Variants in DERA observed in about 807,000 individuals in gnomAD.
DERA encodes 2-deoxy-D-ribose 5-phosphate aldolase.
A neutral mutation model predicts 41.1 loss-of-function variants in DERA; 15 were observed. The ratio of observed to expected loss-of-function variants is 0.37; its 90% CI spans 0.24 to 0.56. The LOEUF (loss-of-function observed/expected upper bound fraction) is 0.56, where lower values mean the gene tolerates loss of function less well. Ranked by LOEUF, DERA falls within the 20% of genes least tolerant of loss-of-function variation. DERA has a pLI of 0.81. For synonymous variants in DERA, 139 were observed against 137.4 expected, an observed-to-expected ratio of 1.01 and a Z score of -0.08; for missense variants, 396 against 403.4, an observed-to-expected ratio of 0.98 and a Z score of 0.16.
chr12:15,996,289 C>T lies in DERA; in HGVS notation c.637+13853C>T, dbSNP rs1055975182. Reference sequence around the variant, plus strand: ...TATTAGTTTCTTGGGCTCGCTGTAACAGAGTACCGCAAATTAGATGGCCTT... The same window carrying T: ...TATTAGTTTCTTGGGCTCGCTGTAATAGAGTACCGCAAATTAGATGGCCTT... On this transcript the variant is annotated intron_variant, in intron 6 of 8. Coordinates refer to ENST00000428559, the MANE Select transcript of DERA (RefSeq NM_015954.4). This position sits in a 1 kb window ranked among gnomAD's most constrained non-coding sequence, Gnocchi z 4.7. 5.9e-5 allele frequency among the ~76,000 whole-genome samples: 9 copies of T among 151,912 alleles called. No homozygotes were observed. The South Asian group carries it at 6.2e-4, about 11-fold the overall frequency.
chr12:15,934,841 T>C (rs970651328), intron 1 of DERA, among the ~76,000 whole-genome samples: 1 of 152,220 alleles, frequency 6.6e-6, no homozygotes, highest in African/African-American at 2.4e-5. Context: ...CTGGTAGAAG[T>C]ACTTAATTTC....
intron 1 of DERA, among the ~76,000 whole-genome samples, chr12:15,920,941 A>G (rs951961460): frequency 2.6e-5 from 4 of 152,246 alleles, no homozygotes; most frequent in Admixed American, 1.3e-4. Context: ...ATGAATGAAT[A>G]CTGCAGGGGC....
At chr12:15,929,106 C>T (rs1948309001) in intron 1 of DERA, among the ~76,000 whole-genome samples, 1 of 152,188 alleles carries the variant, frequency 6.6e-6, no homozygotes, top group African/African-American at 2.4e-5. Context: ...CTGTGGAGCC[C>T]CACTAGGGAG....
rs574810630 is a variant in DERA at position 16,021,923 on chromosome 12, T to C, written c.638-10619T>C. ...GAAGGAACTCATCTCCAGATAAGACTTTGGACTTTAGACTTTGGCATTTTT... is the reference window on the plus strand; with the variant it reads ...GAAGGAACTCATCTCCAGATAAGACCTTGGACTTTAGACTTTGGCATTTTT... On this transcript the variant is annotated intron_variant, in intron 6 of 8. Transcript: ENST00000428559. The surrounding 1 kb of genome is among the most constrained non-coding windows in gnomAD (Gnocchi z 5.3). Among the ~76,000 whole-genome samples the C allele has an allele frequency of 6.6e-6, 1 of 152,320 alleles. No individual in the cohort carries two copies. The highest frequency in any genetic ancestry group is 2.1e-4 in the South Asian group (1 of 4,824).
intron 1 of DERA, among the ~76,000 whole-genome samples, chr12:15,919,126 G>A (rs923779315): frequency 6.6e-6 from 1 of 152,146 alleles, no homozygotes; most frequent in Non-Finnish European, 1.5e-5. Flanking sequence ...TTGCTTGTAA[G>A]CATAAATGAT....
In DERA at chr12:15,968,933, G is replaced by A. The variant is rs1948641991; in HGVS notation, c.508+5986G>A. The stretch of plus-strand genomic sequence containing the variant: ...TTATGATTTTGATAATTTATACCTA[G>A]ACCTTGGGTAAACACTTCACTTCTC... On this transcript the variant is annotated intron_variant, in intron 5 of 8. Coordinates refer to ENST00000428559, the MANE Select transcript of DERA (RefSeq NM_015954.4). Among the ~76,000 whole-genome samples, 3 of 152,144 alleles carry A rather than the reference G, an allele frequency of 2.0e-5. No individual in the cohort carries two copies. The South Asian group carries it at 6.2e-4, about 31-fold the overall frequency.
intron 5 of DERA, among the ~76,000 whole-genome samples, chr12:15,979,985 A>G (rs1948722408): frequency 6.6e-6 from 1 of 152,236 alleles, no homozygotes; most frequent in Non-Finnish European, 1.5e-5. Context: ...GTAATAAAAT[A>G]CTTTCCAGCC....
intron 6 of DERA, among the ~76,000 whole-genome samples, chr12:16,031,752 TACTTA>T (rs1337399536): frequency 6.6e-6 from 1 of 152,228 alleles, no homozygotes; most frequent in Non-Finnish European, 1.5e-5. Flanking sequence ...TCAGGTAACT[TACTTA>T]ACTTTTCTGT....
chr12:15,996,991 T>C lies in DERA; in HGVS notation c.637+14555T>C, dbSNP rs1218462507. 2.6e-5 allele frequency among the ~76,000 whole-genome samples: 4 copies of C among 152,182 alleles called. No individual in the cohort carries two copies. The highest frequency in any genetic ancestry group is 5.9e-5 in the Non-Finnish European group (4 of 68,022). On this transcript the variant is annotated intron_variant, in intron 6 of 8. Coordinates refer to ENST00000428559, the MANE Select transcript of DERA (RefSeq NM_015954.4). The surrounding 1 kb of genome is among the most constrained non-coding windows in gnomAD (Gnocchi z 4.7). The stretch of plus-strand genomic sequence containing the variant: ...AATTTGCTTATGAGCAAGAGACAGA[T>C]ACTAACAGTAGAAGGAAATACTTTT...
At position 16,019,655 on chromosome 12, in the gene DERA, G is replaced by T. The variant is rs1949005723; in HGVS notation, c.638-12887G>T. Among the ~76,000 whole-genome samples the T allele has an allele frequency of 6.6e-6, 1 of 152,084 alleles. No homozygotes were observed. The highest frequency in any genetic ancestry group is 1.5e-5 in the Non-Finnish European group (1 of 68,022). ...TTTTTATGGTGGTGTTCTTCCATGT[G>T]TGCCCTCTCATCTTTAAATTTTGTC... On this transcript the variant is annotated intron_variant, in intron 6 of 8. Transcript: ENST00000428559. This position sits in a 1 kb window ranked among gnomAD's most constrained non-coding sequence, Gnocchi z 4.4.
At position 16,008,556 on chromosome 12, in the gene DERA, G is replaced by A. The variant is rs1319200477; in HGVS notation, c.638-23986G>A. On this transcript the variant is annotated intron_variant, in intron 6 of 8. Transcript: ENST00000428559. The surrounding 1 kb of genome is among the most constrained non-coding windows in gnomAD (Gnocchi z 4.8). ...ATGTAGGATATATTTGGATGTCCAG[G>A]TCAGCAGAGTGAAAGTAAACAGTCC... Among the ~76,000 whole-genome samples the A allele has an allele frequency of 6.6e-6, 1 of 152,222 alleles. No individual in the cohort carries two copies. The highest frequency in any genetic ancestry group is 1.5e-5 in the Non-Finnish European group (1 of 68,034).
intron 1 of DERA, among the ~76,000 whole-genome samples, chr12:15,953,454 A>G (rs1948513915): frequency 1.3e-5 from 2 of 152,156 alleles, no homozygotes. Flanking sequence ...TGAACCAGAA[A>G]TAATAATAAT....
At chr12:15,980,083 T>G (rs1000711606) in intron 5 of DERA, among the ~76,000 whole-genome samples, 6 of 152,240 alleles carry the variant, frequency 3.9e-5, no homozygotes, top group Non-Finnish European at 5.9e-5. Flanking sequence ...AGATTTGACT[T>G]TTATAACACA....
At position 15,921,926 on chromosome 12, in the gene DERA, GATAATAATA is replaced by G. The variant is rs68021628; in HGVS notation, c.31+10523_31+10531del. On this transcript the variant is annotated intron_variant, in intron 1 of 8. Transcript: ENST00000428559. The surrounding 1 kb of genome is among the most constrained non-coding windows in gnomAD (Gnocchi z 5.3). ...GGGTGACGAGCAAAACTCCATCTCA[GATAATAATA>G]ATAATAATAAATAATTTTCCAAGGA... Among the ~76,000 whole-genome samples, 1 of 151,034 alleles carries G rather than the reference GATAATAATA, an allele frequency of 6.6e-6. No homozygotes were observed.
At chr12:15,920,852 C>A (rs993875972) in intron 1 of DERA, among the ~76,000 whole-genome samples, 1 of 152,162 alleles carries the variant, frequency 6.6e-6, no homozygotes. Flanking sequence ...AAATACCCCC[C>A]CCAAAAATAC....
chr12:15,960,636 CAAAAA>C (rs1163104277), intron 4 of DERA, among the ~76,000 whole-genome samples: 15 of 28,716 alleles, frequency 5.2e-4, no homozygotes, highest in South Asian at 2.0e-3. Flanking sequence ...GACTCCGTCT[CAAAAA>C]AAAAAAAAAA....
chr12:15,961,170 A>G (rs935243815), intron 4 of DERA, among the ~76,000 whole-genome samples: 1 of 152,246 alleles, frequency 6.6e-6, no homozygotes, highest in Non-Finnish European at 1.5e-5. Context: ...AGGACCTGAT[A>G]AAAGCCACAC....
Position 15,921,663 on chromosome 12 carries a change from T to C in DERA, c.31+10249T>C, listed in dbSNP as rs1053331452. On this transcript the variant is annotated intron_variant, in intron 1 of 8. Transcript: ENST00000428559. This position sits in a 1 kb window ranked among gnomAD's most constrained non-coding sequence, Gnocchi z 5.3. ...GAGGCCAGGCATGGTGGCTCATGCC[T>C]GTAATCCCAGCATTTTGGGAATCTG... 1.3e-5 allele frequency among the ~76,000 whole-genome samples: 2 copies of C among 152,170 alleles called. No individual in the cohort carries two copies. The highest frequency in any genetic ancestry group is 4.8e-5 in the African/African-American group (2 of 41,444).
chr12:15,921,789 G>T lies in DERA; in HGVS notation c.31+10375G>T, dbSNP rs1484633396. Among the ~76,000 whole-genome samples, 1 of 152,022 alleles carries T rather than the reference G, an allele frequency of 6.6e-6. No individual in the cohort carries two copies. The highest frequency in any genetic ancestry group is 2.4e-5 in the African/African-American group (1 of 41,392). On this transcript the variant is annotated intron_variant, in intron 1 of 8. Transcript: ENST00000428559. The surrounding 1 kb of genome is among the most constrained non-coding windows in gnomAD (Gnocchi z 5.3). ...ATACATAAAAAAATTAACCGGGCTT[G>T]GTGGCGAGCGCCTGTAATCCCAGCT...
Sources: gnomAD v4.1 joint callset for allele counts (sites outside exome capture counted in the v4.1 genomes callset) on GRCh38, gnomAD v4.1.1 for gene constraint, Gnocchi (gnomAD v3.1) non-coding constraint, MANE v1.5 for transcripts, NCBI Gene and HGNC (gene_info 2026-07-23, HGNC 2026-07-21) for gene names.